The following GRIK2 variants were observed in gnomAD, a reference collection of about 807,000 sequenced individuals.
GRIK2 encodes the protein glutamate ionotropic receptor kainate type subunit 2, also known as glutamate receptor ionotropic, kainate 2.
In GRIK2, 32 loss-of-function variants were observed where a neutral mutation model predicts 100.3. The observed-to-expected ratio is 0.32, with a 90% CI of 0.24 to 0.43. The LOEUF (loss-of-function observed/expected upper bound fraction) is 0.43. GRIK2 is among the 20% of genes least tolerant of loss of function. The probability of loss-of-function intolerance (pLI) is 1.00; values close to 1 mark genes in which losing one functional copy is unlikely to be tolerated. For missense variants in GRIK2, 843 were observed against 1,114.9 expected, an observed-to-expected ratio of 0.76 and a Z score of 3.47; for synonymous variants, 417 against 389.4, an observed-to-expected ratio of 1.07 and a Z score of -0.83.
chr6:101,912,494 C>T (rs1040804157), intron 12 of GRIK2, among the ~76,000 whole-genome samples: 10 of 151,480 alleles, frequency 6.6e-5, no homozygotes, highest in Admixed American at 3.3e-4. Flanking sequence ...GTGGGAAAGC[C>T]GGGCTTGAAA....
At chr6:101,670,889 A>G (rs1770384122) in intron 4 of GRIK2, among the ~76,000 whole-genome samples, 1 of 152,192 alleles carries the variant, frequency 6.6e-6, no homozygotes, top group Non-Finnish European at 1.5e-5. Context: ...ACCTTCTTAT[A>G]GAGAAAAATA....
chr6:102,034,197 C>T (rs564529151), intron 14 of GRIK2, among the ~76,000 whole-genome samples: 1 of 151,200 alleles, frequency 6.6e-6, no homozygotes, highest in African/African-American at 2.4e-5. Flanking sequence ...ACTCATTGTA[C>T]CTTTTTCTTT....
intron 7 of GRIK2, among the ~76,000 whole-genome samples, chr6:101,726,393 A>G (rs191083055): frequency 1.8e-3 from 268 of 152,164 alleles, no homozygotes; most frequent in Admixed American, 5.0e-3. Context: ...TAAAACGCTT[A>G]AAGAGAACTT....
chr6:101,431,987 T>C (rs1769433883), intron 2 of GRIK2, among the ~76,000 whole-genome samples: 1 of 152,196 alleles, frequency 6.6e-6, no homozygotes. Flanking sequence ...TATTGTTTTT[T>C]ACTGTCCACA....
At chr6:101,590,796 T>C (rs1315679053) in intron 2 of GRIK2, among the ~76,000 whole-genome samples, 3 of 152,090 alleles carry the variant, frequency 2.0e-5, no homozygotes, top group Non-Finnish European at 4.4e-5. Flanking sequence ...GCAATGCCTA[T>C]ATTTTTTAGA....
intron 14 of GRIK2, among the ~76,000 whole-genome samples, chr6:102,026,013 C>T (rs1384346082): frequency 1.3e-5 from 2 of 149,686 alleles, no homozygotes; most frequent in African/African-American, 4.9e-5. Flanking sequence ...TTCTTGCTTA[C>T]TAGGGTGATT....
intron 1 of GRIK2, among the ~76,000 whole-genome samples, chr6:101,396,543 C>T (rs1220779352): frequency 6.6e-6 from 1 of 152,052 alleles, no homozygotes. Flanking sequence ...ATAACTACAT[C>T]TTGGGCTTAT....
At chr6:101,927,381 A>C (rs1240210673) in intron 13 of GRIK2, 1 of 343,066 alleles carries the variant, frequency 2.9e-6, no homozygotes, top group Non-Finnish European at 4.1e-6. Flanking sequence ...AACACAAATA[A>C]AATTAAGTAC....
At chr6:101,830,468 T>C (rs1487374660) in intron 10 of GRIK2, among the ~76,000 whole-genome samples, 1 of 151,878 alleles carries the variant, frequency 6.6e-6, no homozygotes, top group Non-Finnish European at 1.5e-5. Context: ...TTGCAAACTA[T>C]GCATCCAACA....
At chr6:101,475,039 CAGA>C (rs1417282771) in intron 2 of GRIK2, among the ~76,000 whole-genome samples, 3 of 151,752 alleles carry the variant, frequency 2.0e-5, no homozygotes, top group African/African-American at 7.2e-5. Flanking sequence ...CTGAGATAAC[CAGA>C]AGGTGTAACT....
intron 2 of GRIK2, among the ~76,000 whole-genome samples, chr6:101,619,975 C>G (rs942465860): frequency 3.3e-5 from 5 of 152,056 alleles, no homozygotes; most frequent in Non-Finnish European, 5.9e-5. Flanking sequence ...TTCATTGTGA[C>G]CTCAAATACT....
chr6:101,825,514 C>G (rs536710870), intron 10 of GRIK2, among the ~76,000 whole-genome samples: 21 of 152,036 alleles, frequency 1.4e-4, no homozygotes, highest in African/African-American at 5.1e-4. Context: ...CTTCTAAGTG[C>G]CAGAACCTCA....
At chr6:101,875,876 C>T (rs114838457) in intron 11 of GRIK2, among the ~76,000 whole-genome samples, 3,867 of 151,866 alleles carry the variant, frequency 0.025, 176 homozygotes, top group African/African-American at 0.088. Flanking sequence ...CTGATTCTTT[C>T]GTGTTTAGAT....
chr6:101,433,776 C>T (rs146504735), intron 2 of GRIK2, among the ~76,000 whole-genome samples: 5 of 152,126 alleles, frequency 3.3e-5, no homozygotes, highest in African/African-American at 9.6e-5. Context: ...TAGAAGTGAA[C>T]GGTTTGATTA....
chr6:101,429,580 A>G (rs1470255717), intron 2 of GRIK2, among the ~76,000 whole-genome samples: 2 of 152,176 alleles, frequency 1.3e-5, no homozygotes, highest in Non-Finnish European at 2.9e-5. Context: ...CTCAGTGGCA[A>G]CCTGGAAAAG....
At chr6:101,663,244 C>T (rs959468428) in intron 4 of GRIK2, among the ~76,000 whole-genome samples, 5 of 152,074 alleles carry the variant, frequency 3.3e-5, no homozygotes, top group African/African-American at 7.2e-5. Context: ...GATCATTTGC[C>T]GTTCATAACT....
intron 2 of GRIK2, among the ~76,000 whole-genome samples, chr6:101,550,650 A>C (rs2128292340): frequency 6.6e-6 from 1 of 152,320 alleles, no homozygotes; most frequent in African/African-American, 2.4e-5. Flanking sequence ...CGTGGAATGT[A>C]AAACTACTAT....
At chr6:101,691,300 T>C (rs1013361725) in intron 7 of GRIK2, among the ~76,000 whole-genome samples, 11 of 151,692 alleles carry the variant, frequency 7.3e-5, no homozygotes, top group Admixed American at 6.6e-4. Flanking sequence ...AATACTTTTT[T>C]TTCTTTTTTT....
chr6:102,059,399 T>C (rs991878187), intron 16 of GRIK2, among the ~76,000 whole-genome samples: 1 of 151,216 alleles, frequency 6.6e-6, no homozygotes, highest in Non-Finnish European at 1.5e-5. Context: ...TAATTATTTT[T>C]CTTTTTGCCT....
Sources: gnomAD v4.1 joint callset for allele counts (sites outside exome capture counted in the v4.1 genomes callset) on GRCh38, gnomAD v4.1.1 for gene constraint, MANE v1.5 for transcripts, NCBI Gene and HGNC (gene_info 2026-07-23, HGNC 2026-07-21) for gene names.